The following CCNK variants were observed in gnomAD, a reference collection of about 807,000 sequenced individuals.
The protein encoded by CCNK is cyclin-K.
Under a neutral mutation model 65.0 loss-of-function variants are expected in CCNK, and 9 were observed. The observed-to-expected ratio is 0.14, with a 90% CI of 0.08 to 0.24. The LOEUF (loss-of-function observed/expected upper bound fraction) is 0.24. Among genes scored for constraint, CCNK ranks in the 10% least tolerant of loss-of-function variants. The pLI is 1.00. For synonymous variants in CCNK, 279 were observed against 270.8 expected, an observed-to-expected ratio of 1.03 and a Z score of -0.30; for missense variants, 474 against 720.0, an observed-to-expected ratio of 0.66 and a Z score of 3.91.
At chr14:99,490,326 C>T (rs550932031) in intron 1 of CCNK, among the ~76,000 whole-genome samples, 8 of 152,172 alleles carry the variant, frequency 5.3e-5, no homozygotes, top group Non-Finnish European at 1.2e-4. Context: ...TCTGATATCA[C>T]CTGCACCCAA....
chr14:99,504,680 C>T (rs1175085858), intron 9 of CCNK: 1 of 152,160 alleles, frequency 6.6e-6, no homozygotes, highest in Admixed American at 6.5e-5. Flanking sequence ...AAACTCCCGA[C>T]CTCAGGTGAT....
chr14:99,503,073 G>A, intron 8 of CCNK, 89 bp downstream of exon 8: 1 of 1,420,674 alleles, frequency 7.0e-7, no homozygotes, highest in Non-Finnish European at 9.9e-7. Context: ...AGCGAGCACA[G>A]GGAACACCGG....
chr14:99,503,340 A>G (rs1453985074), intron 8 of CCNK: 3 of 601,356 alleles, frequency 5.0e-6, no homozygotes, highest in Admixed American at 2.9e-5. Flanking sequence ...CCTGCACCCA[A>G]GTGGTCCTGA....
Position 99,511,206 on chromosome 14 carries a change from T to C in CCNK, c.*424T>C, listed in dbSNP as rs1212753794. On this transcript the variant is annotated 3_prime_UTR_variant, in exon 11 of 11. Transcript: ENST00000389879. ...TGAAGCCAAGCTGTTGTCATTTTCA[T>C]TCGGTGACATTCTCTCCCATGACAC... 1 of 153,862 alleles carries C rather than the reference T, an allele frequency of 6.5e-6. No homozygotes were observed. Among genetic ancestry groups the C allele is most frequent in the East Asian group, 1.9e-4 (1 of 5,282 alleles). The allele number at this position is 153,862 out of a possible 1,614,324, so 9.5% of individuals were successfully genotyped here.
rs189636813 is a variant in CCNK, at chr14:99,489,639, G to A, written c.-52-2987G>A. 3.6e-3 allele frequency among the ~76,000 whole-genome samples: 545 copies of A among 152,274 alleles called. 5 individuals carry two copies. The highest frequency in any genetic ancestry group is 0.033 in the South Asian group (159 of 4,820). ...ATGTAACAATATCAGAAATTACTTGGAAGTAAGTTTCTGTGTGATTTTGTT... is the reference window on the plus strand; with the variant it reads ...ATGTAACAATATCAGAAATTACTTGAAAGTAAGTTTCTGTGTGATTTTGTT... On this transcript the variant is annotated intron_variant, in intron 1 of 10. Coordinates refer to ENST00000389879, the MANE Select transcript of CCNK (RefSeq NM_001099402.2).
At position 99,495,491 on chromosome 14, in the gene CCNK, C is replaced by T; in HGVS notation, c.280-7C>T. On this transcript the variant is annotated splice_polypyrimidine_tract_variant and splice_region_variant and intron_variant, in intron 3 of 10. Transcript: ENST00000389879. ...ACAAAAATCAAGAACTTTTGTTTCCCTTTTAGGTGACAGGAGCCTGTTGCC... is the reference window on the plus strand; with the variant it reads ...ACAAAAATCAAGAACTTTTGTTTCCTTTTTAGGTGACAGGAGCCTGTTGCC... 1 of 1,604,822 alleles carries T rather than the reference C, an allele frequency of 6.2e-7. No homozygotes were observed. Among genetic ancestry groups the T allele is most frequent in the Non-Finnish European group, 8.5e-7 (1 of 1,177,254 alleles).
At chr14:99,501,571 A>G in intron 6 of CCNK, 158 bp downstream of exon 6, 1 of 596,872 alleles carries the variant, frequency 1.7e-6, no homozygotes. Context: ...CGTCCAGGTC[A>G]TCTGCTTCCC....
Position 99,502,883 on chromosome 14 carries a change from C to A in CCNK, c.910C>A (p.Gln304Lys). The A allele has an allele frequency of 6.2e-7, 1 of 1,613,474 alleles. No homozygotes were observed. Among genetic ancestry groups the A allele is most frequent in the Non-Finnish European group, 8.5e-7 (1 of 1,179,600 alleles). The change falls in exon 8 of 11, where the codon CAG becomes AAG. Residue 304 changes from glutamine to lysine, a missense_variant. Transcript: ENST00000389879. ...SQSSEPSQPQ[Q>K]KDPQQPAQQQ... ...AAGCTCCGAACCATCCCAGCCCCAG[C>A]AGAAGGACCCCCAGCAACCAGCCCA...
At chr14:99,492,334 C>T (rs925405143) in intron 1 of CCNK, 2 of 207,562 alleles carry the variant, frequency 9.6e-6, no homozygotes, top group African/African-American at 2.4e-5. Flanking sequence ...AGATATACTT[C>T]GTTTCTTCCA....
At chr14:99,481,804 A>G (rs559586613) in intron 1 of CCNK, among the ~76,000 whole-genome samples, 68 of 152,370 alleles carry the variant, frequency 4.5e-4, no homozygotes, top group African/African-American at 1.6e-3. Context: ...AACCGCGCAC[A>G]GTCTCACAGC....
intron 4 of CCNK, among the ~76,000 whole-genome samples, chr14:99,495,952 A>C (rs1004262054): frequency 6.6e-6 from 1 of 152,032 alleles, no homozygotes; most frequent in South Asian, 2.1e-4. Context: ...CAGGGTTACA[A>C]CTCCAGCTAG....
chr14:99,492,030 T>G (rs1896608020), intron 1 of CCNK: 1 of 152,250 alleles, frequency 6.6e-6, no homozygotes, highest in Non-Finnish European at 1.5e-5. Flanking sequence ...AGGAGCTCCT[T>G]CTCTCATGGA....
At chr14:99,497,044 C>A (rs1337378817) in intron 4 of CCNK, among the ~76,000 whole-genome samples, 1 of 150,684 alleles carries the variant, frequency 6.6e-6, no homozygotes, top group Non-Finnish European at 1.5e-5. Context: ...TTTCAGCATC[C>A]CCCCGACCAA....
chr14:99,493,917 GT>G (rs1300074844), intron 3 of CCNK: 2 of 220,834 alleles, frequency 9.1e-6, no homozygotes, highest in Non-Finnish European at 1.8e-5. Flanking sequence ...TGGAACAGAA[GT>G]TGTCTATGCC....
At chr14:99,482,486 A>G (rs1896368706) in intron 1 of CCNK, among the ~76,000 whole-genome samples, 1 of 152,228 alleles carries the variant, frequency 6.6e-6, no homozygotes, top group Non-Finnish European at 1.5e-5. Context: ...CATTTGGATT[A>G]AAGTGCCCTT....
rs2139880784 is a variant in CCNK, at chr14:99,507,118, C to T, written c.1088C>T (p.Pro363Leu). ...PKIPKIETTH[P>L]PLPPAHPPPD... ...ATCCCCAAAATTGAGACCACTCATC[C>T]ACCGTTGCCTCCAGCCCACCCACCT... Residue 363 changes from proline (P) to leucine (L), a missense_variant, in exon 10 of 11, where the codon CCA (proline) becomes CTA (leucine). Physicochemically the swap from Pro to Leu is moderately conservative, Grantham distance 98. Coordinates refer to ENST00000389879, the MANE Select transcript of CCNK (RefSeq NM_001099402.2). 1.2e-6 allele frequency: 2 copies of T among 1,611,962 alleles called. No individual in the cohort carries two copies. Among genetic ancestry groups the T allele is most frequent in the Admixed American group, 1.7e-5 (1 of 60,030 alleles).
Position 99,502,868 on chromosome 14 carries a change from C to G in CCNK, c.895C>G (p.Pro299Ala), listed in dbSNP as rs1319314451. 6.2e-7 allele frequency: 1 copy of G among 1,612,942 alleles called. No individual in the cohort carries two copies. The highest frequency in any genetic ancestry group is 1.3e-5 in the African/African-American group (1 of 74,836). The change falls in exon 8 of 11, where the codon CCA becomes GCA. Residue 299 changes from proline (P) to alanine (A), a missense_variant. Physicochemically the swap from Pro to Ala is conservative, Grantham distance 27 (BLOSUM62 -1). Around this residue, in one of 6 missense-constraint regions of CCNK, gnomAD observed 229 missense variants for 275.5 expected, o/e 0.83. Coordinates refer to ENST00000389879, the MANE Select transcript of CCNK (RefSeq NM_001099402.2). ...QQSQPSQSSE[P>A]SQPQQKDPQQ... Reference sequence around the variant, plus strand: ...GTCACAGCCGTCTCAAAGCTCCGAACCATCCCAGCCCCAGCAGAAGGACCC... The same window carrying G: ...GTCACAGCCGTCTCAAAGCTCCGAAGCATCCCAGCCCCAGCAGAAGGACCC...
At chr14:99,506,813 G>C (rs190095160) in intron 9 of CCNK, 1 of 446,342 alleles carries the variant, frequency 2.2e-6, no homozygotes, top group African/African-American at 2.0e-5. Flanking sequence ...TGAGTGAAGT[G>C]GTCAGCAAGG....
At chr14:99,481,644 G>A in intron 1 of CCNK, 165 bp downstream of exon 1, 1 of 389,616 alleles carries the variant, frequency 2.6e-6, no homozygotes, top group Non-Finnish European at 4.5e-6. Flanking sequence ...GGCGACGCGG[G>A]GTTGTGGGGC....
Sources: gnomAD v4.1 joint callset for allele counts (sites outside exome capture counted in the v4.1 genomes callset) on GRCh38, gnomAD v4.1.1 for gene constraint, gnomAD v4.1.1 regional missense constraint, MANE v1.5 for transcripts, NCBI Gene and HGNC (gene_info 2026-07-23, HGNC 2026-07-21) for gene names.